The following SLC9A9 variants were observed in gnomAD, a reference collection of about 807,000 sequenced individuals.
SLC9A9 encodes the protein solute carrier family 9 member A9.
SLC9A9 carries 62 observed loss-of-function variants against 77.8 expected under a neutral mutation model. The observed-to-expected ratio is 0.80, with a 90% CI of 0.65 to 0.98. SLC9A9 has a LOEUF of 0.98. Among genes scored for constraint, SLC9A9 ranks in the 50% least tolerant of loss-of-function variants. SLC9A9 has a pLI of 0.00. For missense variants in SLC9A9, 775 were observed against 774.9 expected, an observed-to-expected ratio of 1.00 and a Z score of 0.00; for synonymous variants, 320 against 283.5, an observed-to-expected ratio of 1.13 and a Z score of -1.29.
At chr3:143,748,268 C>A (rs902410418) in intron 4 of SLC9A9, among the ~76,000 whole-genome samples, 2 of 152,134 alleles carry the variant, frequency 1.3e-5, no homozygotes, top group African/African-American at 2.4e-5. Flanking sequence ...CGGGACCCCA[C>A]AAATATAAGA....
intron 6 of SLC9A9, among the ~76,000 whole-genome samples, chr3:143,632,085 C>T (rs1431754803): frequency 6.6e-6 from 1 of 152,154 alleles, no homozygotes; most frequent in Non-Finnish European, 1.5e-5. Context: ...GACTGGATTA[C>T]AGACCTTTAA....
intron 4 of SLC9A9, among the ~76,000 whole-genome samples, chr3:143,724,301 C>T (rs1453179618): frequency 6.6e-6 from 1 of 152,164 alleles, no homozygotes; most frequent in African/African-American, 2.4e-5. Context: ...TTCTCTGCTT[C>T]CCCTTTGCCT....
chr3:143,656,607 T>C (rs1286360423), intron 5 of SLC9A9, among the ~76,000 whole-genome samples: 2 of 152,178 alleles, frequency 1.3e-5, no homozygotes, highest in Non-Finnish European at 2.9e-5. Context: ...CAAATGATAT[T>C]TTAATGTGGC....
chr3:143,478,490 G>A (rs1230635433), intron 11 of SLC9A9, among the ~76,000 whole-genome samples: 5 of 152,168 alleles, frequency 3.3e-5, no homozygotes, highest in African/African-American at 1.2e-4. Flanking sequence ...CTAGGATCCT[G>A]CCCTACTCAC....
chr3:143,711,048 G>A (rs756657765), intron 4 of SLC9A9, among the ~76,000 whole-genome samples: 3 of 152,168 alleles, frequency 2.0e-5, no homozygotes, highest in Non-Finnish European at 2.9e-5. Flanking sequence ...TTTAAAATAT[G>A]TTATTATTAG....
chr3:143,736,587 C>T (rs1466391487), intron 4 of SLC9A9, among the ~76,000 whole-genome samples: 1 of 151,950 alleles, frequency 6.6e-6, no homozygotes, highest in Admixed American at 6.6e-5. Context: ...TCATTGTTTA[C>T]CTAAATTTCT....
intron 5 of SLC9A9, among the ~76,000 whole-genome samples, chr3:143,663,430 C>T (rs903322597): frequency 1.2e-4 from 19 of 152,192 alleles, no homozygotes; most frequent in African/African-American, 2.9e-4. Flanking sequence ...CGCAGCTTCT[C>T]GCCAACAACG....
At chr3:143,660,542 G>A (rs1053136548) in intron 5 of SLC9A9, among the ~76,000 whole-genome samples, 3 of 152,200 alleles carry the variant, frequency 2.0e-5, no homozygotes, top group Non-Finnish European at 4.4e-5. Flanking sequence ...TCTGATCTAA[G>A]AACCCAATTG....
At chr3:143,493,386 A>T (rs895845054) in intron 11 of SLC9A9, among the ~76,000 whole-genome samples, 1 of 152,180 alleles carries the variant, frequency 6.6e-6, no homozygotes, top group Non-Finnish European at 1.5e-5. Flanking sequence ...GGGTCAGAGG[A>T]AAGTCCAATG....
intron 12 of SLC9A9, among the ~76,000 whole-genome samples, chr3:143,458,664 A>G (rs926395792): frequency 1.3e-5 from 2 of 152,118 alleles, no homozygotes; most frequent in Non-Finnish European, 2.9e-5. Flanking sequence ...TTTTGAATTA[A>G]TAGTTTACCA....
At chr3:143,506,419 A>G (rs1443368470) in intron 9 of SLC9A9, among the ~76,000 whole-genome samples, 2 of 152,214 alleles carry the variant, frequency 1.3e-5, no homozygotes, top group South Asian at 2.1e-4. Context: ...AAATTTGGCT[A>G]TTACTTTCAA....
At chr3:143,331,412 G>A (rs375172315) in intron 14 of SLC9A9, among the ~76,000 whole-genome samples, 1 of 152,270 alleles carries the variant, frequency 6.6e-6, no homozygotes, top group South Asian at 2.1e-4. Context: ...ATAGCTTCCC[G>A]AGTTATTTTT....
intron 4 of SLC9A9, among the ~76,000 whole-genome samples, chr3:143,724,297 GC>G (rs1445841712): frequency 6.6e-6 from 1 of 152,126 alleles, no homozygotes; most frequent in African/African-American, 2.4e-5. Context: ...GAAGTTCTCT[GC>G]TTCCCCTTTG....
intron 6 of SLC9A9, among the ~76,000 whole-genome samples, chr3:143,619,905 G>A (rs944179046): frequency 2.6e-5 from 4 of 152,198 alleles, no homozygotes; most frequent in Non-Finnish European, 4.4e-5. Flanking sequence ...CCTGTATTTT[G>A]TTGAAGGTCA....
At chr3:143,584,167 C>T (rs2037502266) in intron 6 of SLC9A9, among the ~76,000 whole-genome samples, 1 of 151,924 alleles carries the variant, frequency 6.6e-6, no homozygotes, top group East Asian at 1.9e-4. Context: ...AGTCATCTCT[C>T]TCCTGATCAC....
chr3:143,317,936 C>T (rs1303046997), intron 14 of SLC9A9, among the ~76,000 whole-genome samples: 1 of 152,154 alleles, frequency 6.6e-6, no homozygotes, highest in South Asian at 2.1e-4. Context: ...ACCGTGTTAG[C>T]CAGGATGGTC....
intron 6 of SLC9A9, among the ~76,000 whole-genome samples, chr3:143,595,954 T>C (rs1455226730): frequency 6.6e-6 from 1 of 152,160 alleles, no homozygotes; most frequent in Non-Finnish European, 1.5e-5. Flanking sequence ...AAATAATCCC[T>C]AGTGGCTGGG....
At chr3:143,289,820 A>G (rs1010834210) in intron 14 of SLC9A9, among the ~76,000 whole-genome samples, 2 of 152,076 alleles carry the variant, frequency 1.3e-5, no homozygotes, top group Non-Finnish European at 2.9e-5. Flanking sequence ...CCTCCCATTC[A>G]TAGCCAGAGA....
chr3:143,562,893 C>T (rs2037109985), intron 8 of SLC9A9, among the ~76,000 whole-genome samples: 1 of 151,568 alleles, frequency 6.6e-6, no homozygotes, highest in African/African-American at 2.4e-5. Context: ...TATCTAGGAC[C>T]TAAAATAAAT....
Sources: allele counts gnomAD v4.1 joint callset (sites outside exome capture counted in the v4.1 genomes callset), GRCh38; gene constraint gnomAD v4.1.1; transcripts MANE v1.5; gene names NCBI Gene and HGNC (gene_info 2026-07-23, HGNC 2026-07-21).